The following ZBTB20 variants were observed in gnomAD, a reference collection of about 807,000 sequenced individuals.
The protein encoded by ZBTB20 is zinc finger and BTB domain containing 20, also known as zinc finger and BTB domain-containing protein 20.
ZBTB20 carries 9 observed loss-of-function variants against 56.9 expected under a neutral mutation model. That is an observed-to-expected ratio of 0.16 (90% CI 0.10 to 0.28). The LOEUF is 0.28. Ranked by LOEUF, ZBTB20 falls within the 10% of genes least tolerant of loss-of-function variation. ZBTB20 has a pLI of 1.00. For missense variants in ZBTB20, 655 were observed against 1,003.0 expected, an observed-to-expected ratio of 0.65 and a Z score of 4.69; for synonymous variants, 417 against 420.7, an observed-to-expected ratio of 0.99 and a Z score of 0.11.
chr3:114,666,649 T>C (rs2061069956), intron 6 of ZBTB20, among the ~76,000 whole-genome samples: 1 of 151,988 alleles, frequency 6.6e-6, no homozygotes, highest in South Asian at 2.1e-4. Context: ...TGCTAGGGAT[T>C]GGTAAGTTGC....
intron 4 of ZBTB20, among the ~76,000 whole-genome samples, chr3:114,824,642 C>CT (rs1472266328): frequency 6.6e-6 from 1 of 151,660 alleles, no homozygotes; most frequent in Admixed American, 6.6e-5. Flanking sequence ...TAATTTACAC[C>CT]TTTTTTCCTA....
intron 6 of ZBTB20, among the ~76,000 whole-genome samples, chr3:114,657,192 A>G (rs968985742): frequency 2.1e-4 from 32 of 152,332 alleles, no homozygotes; most frequent in African/African-American, 7.7e-4. Context: ...AGGTTATTAA[A>G]TTACTAGTCG....
intron 7 of ZBTB20, among the ~76,000 whole-genome samples, chr3:114,421,449 C>G (rs1366810145): frequency 6.6e-6 from 1 of 152,174 alleles, no homozygotes; most frequent in African/African-American, 2.4e-5. Flanking sequence ...GAGCTGTAAA[C>G]AGCTTCACTG....
chr3:114,396,014 A>G (rs776549328), intron 7 of ZBTB20, among the ~76,000 whole-genome samples: 2 of 152,094 alleles, frequency 1.3e-5, no homozygotes, highest in African/African-American at 2.4e-5. Context: ...ACACACACCC[A>G]CACACCCACA....
At position 115,037,289 on chromosome 3, in the gene ZBTB20, G is replaced by A. The variant is rs533024832; in HGVS notation, c.-507+33930C>T. On this transcript the variant is annotated intron_variant, in intron 2 of 11. Transcript: ENST00000675478. The stretch of plus-strand genomic sequence containing the variant: ...AAGTAAAGAAATTTTTGGGGGGGGC[G>A]GAGTGAGGAGGTGGAAACAGAGTCT... Among the ~76,000 whole-genome samples, 34 of 152,004 alleles carry A rather than the reference G, an allele frequency of 2.2e-4. No homozygotes were observed. The South Asian group carries it at 6.0e-3, about 27-fold the overall frequency.
chr3:114,819,827 A>G (rs1406642532), intron 4 of ZBTB20, among the ~76,000 whole-genome samples: 2 of 152,062 alleles, frequency 1.3e-5, no homozygotes, highest in East Asian at 3.9e-4. Flanking sequence ...CTCACATAAA[A>G]TCTTACAAAT....
chr3:114,466,198 A>G (rs1239404498), intron 7 of ZBTB20, among the ~76,000 whole-genome samples: 1 of 152,208 alleles, frequency 6.6e-6, no homozygotes, highest in African/African-American at 2.4e-5. Flanking sequence ...TATATCCCAT[A>G]TATGTATGAC....
chr3:114,351,447 TGTCCTGGCCCGA>T lies in ZBTB20; in HGVS notation c.619_630del (p.Ser207_Asp210del), dbSNP rs1376980290. ...CCTGACTCGGGAGTGCCCCGCGGCG[TGTCCTGGCCCGA>T]GTCCTGGATCCCCGGGAACACATCG... On this transcript the variant is annotated inframe_deletion, in exon 11 of 12. Transcript: ENST00000675478. The T allele has an allele frequency of 1.9e-6, 3 of 1,613,534 alleles. No homozygotes were observed. Among genetic ancestry groups the T allele is most frequent in the Middle Eastern group, 1.6e-4 (1 of 6,062 alleles).
At chr3:114,628,639 A>G (rs2058769968) in intron 6 of ZBTB20, among the ~76,000 whole-genome samples, 1 of 152,152 alleles carries the variant, frequency 6.6e-6, no homozygotes, top group Non-Finnish European at 1.5e-5. Flanking sequence ...AGCCAAGAGG[A>G]CGATCTGTCA....
intron 1 of ZBTB20, among the ~76,000 whole-genome samples, chr3:115,140,544 T>C (rs1000627436): frequency 2.6e-5 from 4 of 151,924 alleles, no homozygotes; most frequent in African/African-American, 4.8e-5. Flanking sequence ...CGAGAGAGTG[T>C]GTATGTGTGT....
Position 114,435,065 on chromosome 3 carries a change from G to A in ZBTB20, c.-254-45960C>T, listed in dbSNP as rs78555594. Among the ~76,000 whole-genome samples, 40 of 152,210 alleles carry A rather than the reference G, an allele frequency of 2.6e-4. No individual in the cohort carries two copies. In the East Asian group the frequency reaches 3.3e-3, roughly 13 times the overall value. On this transcript the variant is annotated intron_variant, in intron 7 of 11. Coordinates refer to ENST00000675478, the MANE Select transcript of ZBTB20 (RefSeq NM_001348800.3). Reference sequence around the variant, plus strand: ...ATGTATCCTATTGTATGTATGATCCGGAGAGAGGTTAATAAAGGGAAGTCT... The same window carrying A: ...ATGTATCCTATTGTATGTATGATCCAGAGAGAGGTTAATAAAGGGAAGTCT...
At chr3:114,342,419 A>G (rs1302065160) in intron 11 of ZBTB20, among the ~76,000 whole-genome samples, 3 of 152,216 alleles carry the variant, frequency 2.0e-5, no homozygotes, top group Non-Finnish European at 4.4e-5. Context: ...CACAAAGTAA[A>G]AAGTGGATAA....
intron 5 of ZBTB20, among the ~76,000 whole-genome samples, chr3:114,790,779 T>G (rs2070902760): frequency 6.6e-6 from 1 of 151,918 alleles, no homozygotes; most frequent in Non-Finnish European, 1.5e-5. Context: ...CAGTAAGTTT[T>G]TTTTTTTTTT....
chr3:114,459,638 T>A (rs1209543767), intron 7 of ZBTB20, among the ~76,000 whole-genome samples: 1 of 152,084 alleles, frequency 6.6e-6, no homozygotes, highest in Non-Finnish European at 1.5e-5. Flanking sequence ...TCTTCATGAG[T>A]AAATACAAAT....
intron 4 of ZBTB20, among the ~76,000 whole-genome samples, chr3:114,821,766 G>C (rs1157284399): frequency 3.3e-5 from 5 of 152,076 alleles, no homozygotes; most frequent in Non-Finnish European, 5.9e-5. Context: ...GGGTTACCTG[G>C]AAAGTGCCTT....
At chr3:114,961,112 T>TAA (rs145203846) in intron 3 of ZBTB20, among the ~76,000 whole-genome samples, 1 of 137,198 alleles carries the variant, frequency 7.3e-6, no homozygotes. Flanking sequence ...CTTCTACAGG[T>TAA]AAAAAAAAAA....
chr3:114,417,989 T>C (rs1038878803), intron 7 of ZBTB20, among the ~76,000 whole-genome samples: 1 of 152,036 alleles, frequency 6.6e-6, no homozygotes, highest in Admixed American at 6.6e-5. Context: ...CAATGCAACA[T>C]AATCAAGGTA....
At chr3:114,505,079 A>G (rs1182919298) in intron 6 of ZBTB20, among the ~76,000 whole-genome samples, 1 of 152,190 alleles carries the variant, frequency 6.6e-6, no homozygotes, top group Non-Finnish European at 1.5e-5. Context: ...AATATTTCAC[A>G]GTGGTAAGCG....
chr3:114,765,099 G>C (rs987992004), intron 5 of ZBTB20, among the ~76,000 whole-genome samples: 11 of 152,148 alleles, frequency 7.2e-5, no homozygotes, highest in African/African-American at 2.7e-4. Context: ...AGAAATAAAA[G>C]TATGCAAAGC....
Sources: allele counts gnomAD v4.1 joint callset (sites outside exome capture counted in the v4.1 genomes callset), GRCh38; gene constraint gnomAD v4.1.1; transcripts MANE v1.5; gene names NCBI Gene and HGNC (gene_info 2026-07-23, HGNC 2026-07-21).